RUFY3: variants seen among roughly 807,000 people sequenced by gnomAD.
RUFY3 encodes RUN and FYVE domain containing 3.
Under a neutral mutation model 84.0 loss-of-function variants are expected in RUFY3, and 34 were observed. The ratio of observed to expected loss-of-function variants is 0.40; its 90% CI spans 0.31 to 0.54. RUFY3 has a LOEUF of 0.54. Among genes scored for constraint, RUFY3 ranks in the 20% least tolerant of loss-of-function variants. The pLI is 0.39. For synonymous variants in RUFY3, 242 were observed against 252.9 expected, an observed-to-expected ratio of 0.96 and a Z score of 0.41; for missense variants, 507 against 736.8, an observed-to-expected ratio of 0.69 and a Z score of 3.61.
chr4:70,767,329 C>T (rs1349309978), intron 4 of RUFY3, among the ~76,000 whole-genome samples: 5 of 132,376 alleles, frequency 3.8e-5, no homozygotes, highest in Non-Finnish European at 7.7e-5. Flanking sequence ...AGGCTGGTCT[C>T]GAACTTCCGA....
chr4:70,754,449 G>A (rs1404911711), intron 1 of RUFY3, among the ~76,000 whole-genome samples: 1 of 151,914 alleles, frequency 6.6e-6, no homozygotes, highest in African/African-American at 2.4e-5. Flanking sequence ...TATGATACCT[G>A]AGACGCCATT....
rs1263275714 is a variant in RUFY3, at chr4:70,768,650, T to C, written c.685T>C (p.Leu229=). The change falls in exon 5 of 18, where the codon TTG becomes CTG. Residue 229 remains leucine (L), a synonymous_variant. Coordinates refer to ENST00000381006, the MANE Select transcript of RUFY3 (RefSeq NM_001037442.4). ...CAATTTCTGTATGAAAGGAGAAGAC[T>C]TGGACTCTCAGGTATGGGAAAGAGA... ...DANFCMKGED[L]DSQVGVIDFS... The C allele has an allele frequency of 6.2e-7, 1 of 1,613,666 alleles. No homozygotes were observed. The highest frequency in any genetic ancestry group is 1.1e-5 in the South Asian group (1 of 90,940).
rs909884804 is a variant in RUFY3 at position 70,710,431 on chromosome 4, G to A, written c.358+5137G>A. Reference sequence around the variant, plus strand: ...CACGCCTGTAATCCCATCACTTTGGGAGGCCAAGGCAGGCGGATCACCTGA... The same window carrying A: ...CACGCCTGTAATCCCATCACTTTGGAAGGCCAAGGCAGGCGGATCACCTGA... On this transcript the variant is annotated intron_variant, in intron 1 of 11. Transcript: ENST00000417478. 2.6e-5 allele frequency among the ~76,000 whole-genome samples: 4 copies of A among 152,318 alleles called. No individual in the cohort carries two copies. The South Asian group carries it at 8.3e-4, about 32-fold the overall frequency.
intron 1 of RUFY3, among the ~76,000 whole-genome samples, chr4:70,760,063 G>A (rs1231051722): frequency 6.6e-6 from 1 of 152,190 alleles, no homozygotes; most frequent in Non-Finnish European, 1.5e-5. Context: ...ATGTTTGATG[G>A]AAGTTAGTTT....
chr4:70,755,970 AAAAG>A (rs1723950063), intron 1 of RUFY3, among the ~76,000 whole-genome samples: 2 of 151,964 alleles, frequency 1.3e-5, no homozygotes, highest in South Asian at 4.2e-4. Flanking sequence ...AAAAAGGAAA[AAAAG>A]AACATTGATT....
At chr4:70,791,726 A>G (rs1018730167) in intron 12 of RUFY3, 3 of 999,456 alleles carry the variant, frequency 3.0e-6, no homozygotes, top group African/African-American at 3.5e-5. Flanking sequence ...TGATGAACCT[A>G]GAGGTAACTA....
chr4:70,762,444 A>T (rs1725195503), intron 1 of RUFY3, 75 bp from the exon 2 acceptor site: 1 of 1,344,922 alleles, frequency 7.4e-7, no homozygotes, highest in Admixed American at 2.0e-5. Context: ...GGTGGAGAAG[A>T]ATACAACTAA....
rs138486299 is a variant in RUFY3 at position 70,739,404 on chromosome 4, C to T, written c.178+16653C>T. On this transcript the variant is annotated intron_variant, in intron 1 of 17. Transcript: ENST00000381006. ...TAAGTGTAAAGTTGACATTGAGTAC[C>T]TATGCTTTGCTAAGTACTTCAAATT... Among the ~76,000 whole-genome samples the T allele has an allele frequency of 3.6e-3, 544 of 152,180 alleles. 2 individuals carry two copies. Among genetic ancestry groups the T allele is most frequent in the African/African-American group, 0.013 (528 of 41,538 alleles).
chr4:70,789,849 C>T, intron 12 of RUFY3: 1 of 1,125,718 alleles, frequency 8.9e-7, no homozygotes, highest in Non-Finnish European at 1.1e-6. Flanking sequence ...TTTTGAACAT[C>T]AGAACTCTTA....
chr4:70,796,760 T>C (rs908027626), intron 14 of RUFY3, among the ~76,000 whole-genome samples: 2 of 152,190 alleles, frequency 1.3e-5, no homozygotes, highest in Admixed American at 6.5e-5. Flanking sequence ...AGTTATCCTT[T>C]TGTAAACTGC....
chr4:70,793,586 C>G (rs1731132302), intron 12 of RUFY3, 199 bp from the exon 13 acceptor site: 1 of 1,457,548 alleles, frequency 6.9e-7, no homozygotes, highest in African/African-American at 1.4e-5. Context: ...TCACCTTCAT[C>G]TTACTTTTCT....
intron 1 of RUFY3, among the ~76,000 whole-genome samples, chr4:70,750,953 G>A (rs751050311): frequency 3.3e-5 from 5 of 152,022 alleles, no homozygotes; most frequent in Admixed American, 6.6e-5. Flanking sequence ...ATATTGTATG[G>A]GCATATCATA....
chr4:70,708,358 A>T (rs566435682), intron 1 of RUFY3, among the ~76,000 whole-genome samples: 174 of 151,694 alleles, frequency 1.1e-3, no homozygotes, highest in African/African-American at 4.0e-3. Context: ...GTATTTTAGT[A>T]GAGACCATGT....
chr4:70,775,989 C>T (rs1366245576), intron 7 of RUFY3, among the ~76,000 whole-genome samples: 1 of 150,694 alleles, frequency 6.6e-6, no homozygotes, highest in African/African-American at 2.4e-5. Flanking sequence ...TGTTTTCCTG[C>T]ATTTCTCATT....
At position 70,711,064 on chromosome 4, in the gene RUFY3, GAAAAAAAAAAAAAAAA is replaced by G. The variant is rs950005722; in HGVS notation, c.358+5782_358+5797del. On this transcript the variant is annotated intron_variant, in intron 1 of 11. Coordinates refer to the RUFY3 transcript ENST00000417478. ...GGGCCACAGAGCAAGACTCCGTCTG[GAAAAAAAAAAAAAAAA>G]AAAAAAAAAAAGAAGTATGTCAAAG... Among the ~76,000 whole-genome samples, 20 of 54,092 alleles carry G rather than the reference GAAAAAAAAAAAAAAAA, an allele frequency of 3.7e-4. 1 individual carries two copies. The East Asian group carries it at 0.017, about 45-fold the overall frequency. 35.5% of individuals were successfully genotyped at this position (54,092 alleles called of 152,430 possible).
chr4:70,756,465 T>C (rs904306081), intron 1 of RUFY3, among the ~76,000 whole-genome samples: 3 of 152,102 alleles, frequency 2.0e-5, no homozygotes, highest in Non-Finnish European at 4.4e-5. Flanking sequence ...CCTTGTCTCT[T>C]TCTCTTGTCT....
At chr4:70,806,135 G>T (rs1203814648) in intron 17 of RUFY3, among the ~76,000 whole-genome samples, 1 of 152,156 alleles carries the variant, frequency 6.6e-6, no homozygotes, top group African/African-American at 2.4e-5. Flanking sequence ...TTAAATCTTA[G>T]CCTGTTCACT....
chr4:70,784,932 C>T, intron 10 of RUFY3, 53 bp downstream of exon 10: 2 of 1,278,012 alleles, frequency 1.6e-6, no homozygotes, highest in Non-Finnish European at 2.2e-6. Context: ...AGGTAACTGC[C>T]CACTTAGAGG....
upstream of RUFY3, chr4:70,704,788 C>T: frequency 2.1e-6 from 1 of 485,284 alleles, no homozygotes; most frequent in Non-Finnish European, 3.1e-6. Flanking sequence ...CGGCGGAGCC[C>T]AGGCGCCAGC....
Sources: gnomAD v4.1 joint callset for allele counts (sites outside exome capture counted in the v4.1 genomes callset) on GRCh38, gnomAD v4.1.1 for gene constraint, MANE v1.5 for transcripts, NCBI Gene and HGNC (gene_info 2026-07-23, HGNC 2026-07-21) for gene names.